The following BIVM variants were observed in gnomAD, a reference collection of about 807,000 sequenced individuals.
BIVM encodes basic immunoglobulin-like variable motif-containing protein.
BIVM carries 31 observed loss-of-function variants against 61.4 expected under a neutral mutation model. That is an observed-to-expected ratio of 0.51 (90% confidence interval 0.38 to 0.68). The LOEUF is 0.68. Ranked by LOEUF, BIVM falls within the 30% of genes least tolerant of loss-of-function variation. BIVM has a pLI of 0.00. For missense variants in BIVM, 526 were observed against 596.0 expected (o/e 0.88, Z 1.22); for synonymous variants, 189 against 210.7 (o/e 0.90, Z 0.89).
At chr13:102,805,281 T>G (rs1164229406) in intron 1 of BIVM, 26 bp from the exon 2 acceptor site, 1 of 152,248 alleles carries the variant, frequency 6.6e-6, no homozygotes, top group Admixed American at 6.5e-5. Context: ...AGTTGCTATT[T>G]AAGCTTTCTG....
chr13:102,805,673 C>A (rs916984904), intron 2 of BIVM, among the ~76,000 whole-genome samples: 2 of 152,160 alleles, frequency 1.3e-5, no homozygotes, highest in African/African-American at 4.8e-5. Flanking sequence ...CCCCAAACCC[C>A]AAGCCCTAGG....
rs1879936875 is a variant in BIVM at position 102,817,387 on chromosome 13, G to A, written c.605+833G>A. 3.3e-5 allele frequency among the ~76,000 whole-genome samples: 5 copies of A among 152,200 alleles called. No homozygotes were observed. In the South Asian group the frequency reaches 8.3e-4, roughly 25 times the overall value. On this transcript the variant is annotated intron_variant, in intron 4 of 10. Coordinates refer to ENST00000257336, the MANE Select transcript of BIVM (RefSeq NM_017693.4). ...TTTATGCAAGAACACTGCTTAAGTG[G>A]GCCCTCATACTTCAAAGGTTTCACA...
intron 1 of BIVM, 83 bp from the exon 2 acceptor site, chr13:102,805,224 C>T (rs1340003961): frequency 6.6e-6 from 1 of 152,164 alleles, no homozygotes. Flanking sequence ...GTTCAATTCA[C>T]CAAGGACTTC....
chr13:102,802,845 A>C (rs1168838450), intron 1 of BIVM, among the ~76,000 whole-genome samples: 2 of 150,022 alleles, frequency 1.3e-5, no homozygotes, highest in Non-Finnish European at 3.0e-5. Context: ...TCCTGGCCTC[A>C]AGTGATTCTT....
At position 102,839,897 on chromosome 13, in the gene BIVM, T is replaced by C; in HGVS notation, c.*32T>C. 1 of 1,585,356 alleles carries C rather than the reference T, an allele frequency of 6.3e-7. No individual in the cohort carries two copies. Among genetic ancestry groups the C allele is most frequent in the South Asian group, 1.1e-5 (1 of 88,116 alleles). ...TTGCTACTGAACAGCTGGCATTATATATGAAACTGCTATATACAGGACTGT... is the reference window on the plus strand; with the variant it reads ...TTGCTACTGAACAGCTGGCATTATACATGAAACTGCTATATACAGGACTGT... On this transcript the variant is annotated 3_prime_UTR_variant, in exon 11 of 11. Transcript: ENST00000257336.
At chr13:102,834,949 C>T (rs908568156) in intron 9 of BIVM, among the ~76,000 whole-genome samples, 4 of 152,084 alleles carry the variant, frequency 2.6e-5, no homozygotes, top group African/African-American at 9.7e-5. Context: ...ATTTGTTTTC[C>T]ATTTTCCTGT....
rs556137664 is a variant in BIVM, at chr13:102,820,326, T to C, written c.606-711T>C. ...AAGATTGCACCACAGCACTCCAGCC[T>C]GGGCGACAGAGTGAGACTCTGTCTC... is the stretch of plus-strand genomic sequence containing the variant. On this transcript the variant is annotated intron_variant, in intron 4 of 10. Transcript: ENST00000257336. The C allele has an allele frequency of 6.4e-5, 8 of 124,898 alleles. No individual in the cohort carries two copies. The South Asian group carries it at 2.0e-3, about 31-fold the overall frequency. 7.7% of individuals were successfully genotyped at this position (124,898 alleles called of 1,614,324 possible).
Position 102,821,343 on chromosome 13 carries a change from C to A in BIVM, c.701+211C>A, listed in dbSNP as rs141830197. ...GTACAGTGGCCCACACTTGTAATGT[C>A]AGCACTTTGGAAGGCCAAGGCGGGA... On this transcript the variant is annotated intron_variant, in intron 5 of 10. Coordinates refer to ENST00000257336, the MANE Select transcript of BIVM (RefSeq NM_017693.4). Among the ~76,000 whole-genome samples the A allele has an allele frequency of 3.8e-3, 571 of 152,220 alleles. 4 individuals carry two copies. Among genetic ancestry groups the A allele is most frequent in the African/African-American group, 0.011 (473 of 41,542 alleles).
chr13:102,830,600 T>C (rs1221348415), intron 7 of BIVM, among the ~76,000 whole-genome samples: 1 of 152,184 alleles, frequency 6.6e-6, no homozygotes, highest in Non-Finnish European at 1.5e-5. Flanking sequence ...CCTGTCTCTG[T>C]AGAGATGTTA....
rs755583590 is a variant in BIVM at position 102,834,536 on chromosome 13, G to A, written c.1105G>A (p.Ala369Thr). ...TGGAGAATCAAGTAGAAAACATCCT[G>A]CCATTCACTGTAAAAAGTATGTTAA... ...LIGESSRKHP[A>T]IHCKKWADIV... Residue 369 changes from alanine (A) to threonine (T), a missense_variant, in exon 9 of 11, where the codon GCC (alanine) becomes ACC (threonine). This residue lies in a region of BIVM where 210 missense variants were observed against 233.1 expected (regional missense o/e 0.90). Coordinates refer to ENST00000257336, the MANE Select transcript of BIVM (RefSeq NM_017693.4). 13 of 1,586,022 alleles carry A rather than the reference G, an allele frequency of 8.2e-6. No individual in the cohort carries two copies. The African/African-American group carries it at 1.5e-4, about 18-fold the overall frequency.
intron 4 of BIVM, among the ~76,000 whole-genome samples, chr13:102,818,245 C>G (rs1021378351): frequency 1.3e-5 from 2 of 152,166 alleles, no homozygotes; most frequent in South Asian, 4.1e-4. Flanking sequence ...CTGCCAGTGT[C>G]ACATGGCTAA....
intron 7 of BIVM, among the ~76,000 whole-genome samples, chr13:102,823,951 T>C (rs1880473390): frequency 6.6e-6 from 1 of 152,226 alleles, no homozygotes; most frequent in South Asian, 2.1e-4. Flanking sequence ...CTGGATCTTA[T>C]TTGAGGTGTC....
intron 4 of BIVM, 134 bp from the exon 5 acceptor site, chr13:102,820,903 T>C: frequency 1.3e-6 from 1 of 752,192 alleles, no homozygotes; most frequent in Non-Finnish European, 2.2e-6. Context: ...TAAGTGAATA[T>C]GGAAGATTTT....
At chr13:102,814,091 GTGTC>G (rs906838442) in intron 3 of BIVM, among the ~76,000 whole-genome samples, 4 of 152,124 alleles carry the variant, frequency 2.6e-5, no homozygotes, top group African/African-American at 7.2e-5. Flanking sequence ...GTGTCTGTGT[GTGTC>G]TGTCTGTCTG....
At chr13:102,834,029 C>T (rs999982918) in intron 8 of BIVM, among the ~76,000 whole-genome samples, 2 of 152,190 alleles carry the variant, frequency 1.3e-5, no homozygotes, top group Admixed American at 6.5e-5. Context: ...TCCCCAGGCT[C>T]TACTCCAGAC....
intron 2 of BIVM, among the ~76,000 whole-genome samples, chr13:102,805,881 C>A (rs887050590): frequency 3.9e-5 from 6 of 152,166 alleles, no homozygotes; most frequent in African/African-American, 1.4e-4. Flanking sequence ...TATGGATATA[C>A]CACATTTTAT....
chr13:102,834,688 A>G, intron 9 of BIVM, 136 bp downstream of exon 9: 1 of 715,500 alleles, frequency 1.4e-6, no homozygotes, highest in East Asian at 3.4e-5. Flanking sequence ...GATATGGTAC[A>G]CATTCATTGC....
chr13:102,802,163 GAAAC>G (rs1259862609), intron 1 of BIVM, among the ~76,000 whole-genome samples: 1 of 152,194 alleles, frequency 6.6e-6, no homozygotes, highest in Non-Finnish European at 1.5e-5. Flanking sequence ...TATAAATAGA[GAAAC>G]AAAAGGAGAT....
At chr13:102,829,376 C>T (rs929607426) in intron 7 of BIVM, among the ~76,000 whole-genome samples, 20 of 152,276 alleles carry the variant, frequency 1.3e-4, no homozygotes, top group African/African-American at 4.8e-4. Flanking sequence ...CCGTGCAGAT[C>T]ATGGCTCTGC....
Sources: allele counts gnomAD v4.1 joint callset (sites outside exome capture counted in the v4.1 genomes callset), GRCh38; gene constraint gnomAD v4.1.1; regional missense constraint gnomAD v4.1.1; transcripts MANE v1.5; gene names NCBI Gene and HGNC (gene_info 2026-07-23, HGNC 2026-07-21).